The following PGM5 variants were observed in gnomAD, a reference collection of about 807,000 sequenced individuals.
PGM5 encodes phosphoglucomutase 5, also known as phosphoglucomutase-like protein 5.
PGM5 carries 23 observed loss-of-function variants against 59.2 expected under a neutral mutation model. That is an observed-to-expected ratio of 0.39 (90% CI 0.28 to 0.55). PGM5 has a LOEUF of 0.55. Among genes scored for constraint, PGM5 ranks in the 20% least tolerant of loss-of-function variants. PGM5 has a pLI of 0.66. For synonymous variants in PGM5, 214 were observed against 286.0 expected (o/e 0.75, Z 2.54); for missense variants, 574 against 748.3 (o/e 0.77, Z 2.72).
At chr9:68,395,099 G>A (rs1461435236) in intron 6 of PGM5, among the ~76,000 whole-genome samples, 1 of 152,044 alleles carries the variant, frequency 6.6e-6, no homozygotes, top group African/African-American at 2.4e-5. Flanking sequence ...TTTTCTTCTA[G>A]AGTCATTGCA....
At chr9:68,451,249 C>T (rs7019238) in intron 6 of PGM5, among the ~76,000 whole-genome samples, 23,316 of 152,188 alleles carry the variant, frequency 0.15, 2,974 homozygotes, top group African/African-American at 0.35. Flanking sequence ...AATGCCAACA[C>T]GATTAACTGC....
At chr9:68,414,220 G>A (rs1246453095) in intron 6 of PGM5, among the ~76,000 whole-genome samples, 1 of 152,136 alleles carries the variant, frequency 6.6e-6, no homozygotes, top group Admixed American at 6.5e-5. Flanking sequence ...TTCCCGTATA[G>A]CCCGCAGAAC....
At chr9:68,466,114 A>G (rs1554685779) in intron 7 of PGM5, 1 of 1,288,118 alleles carries the variant, frequency 7.8e-7, no homozygotes, top group Non-Finnish European at 1.0e-6. Flanking sequence ...GAGCTCTTAC[A>G]TTCATTTTTC....
chr9:68,411,384 AAT>A (rs1178152414), intron 6 of PGM5, among the ~76,000 whole-genome samples: 1 of 148,376 alleles, frequency 6.7e-6, no homozygotes. Flanking sequence ...AGTATATATA[AAT>A]ATATATATAC....
chr9:68,489,942 T>C (rs977087499), intron 9 of PGM5, among the ~76,000 whole-genome samples: 2 of 152,220 alleles, frequency 1.3e-5, no homozygotes, highest in Non-Finnish European at 2.9e-5. Context: ...TGTGGAAACA[T>C]TTTGATGTTG....
chr9:68,406,448 A>G (rs539386828), intron 6 of PGM5: 2 of 149,394 alleles, frequency 1.3e-5, no homozygotes, highest in Non-Finnish European at 3.0e-5. Flanking sequence ...CCTCTTATAA[A>G]GCCACCAGAC....
chr9:68,382,280 A>T (rs1285189614), intron 2 of PGM5, among the ~76,000 whole-genome samples: 1 of 151,710 alleles, frequency 6.6e-6, no homozygotes, highest in Non-Finnish European at 1.5e-5. Context: ...AAAGAAAAAA[A>T]CCTCTTCAAT....
At chr9:68,407,742 C>T in intron 6 of PGM5, among the ~76,000 whole-genome samples, 1 of 152,104 alleles carries the variant, frequency 6.6e-6, no homozygotes, top group Non-Finnish European at 1.5e-5. Flanking sequence ...GATTTGTGTG[C>T]ATATTGTGAG....
intron 3 of PGM5, among the ~76,000 whole-genome samples, chr9:68,386,955 TCACCAATTCTG>T (rs1234562074): frequency 6.6e-6 from 1 of 151,894 alleles, no homozygotes; most frequent in East Asian, 1.9e-4. Context: ...AATATATTCA[TCACCAATTCTG>T]CACTCGAATC....
chr9:68,485,445 G>T (rs1191047432), intron 9 of PGM5, among the ~76,000 whole-genome samples: 1 of 152,150 alleles, frequency 6.6e-6, no homozygotes, highest in Non-Finnish European at 1.5e-5. Flanking sequence ...GTGCAGTCTT[G>T]TGGTAGTGAA....
chr9:68,474,845 T>A (rs1324843436), intron 7 of PGM5, among the ~76,000 whole-genome samples: 2 of 150,166 alleles, frequency 1.3e-5, no homozygotes, highest in African/African-American at 4.9e-5. Flanking sequence ...AAAAAGACAC[T>A]CACTCTCAAG....
rs1468957499 is a variant in PGM5, at chr9:68,437,644, C to A, written c.1044-27449C>A. Among the ~76,000 whole-genome samples, 1 of 152,084 alleles carries A rather than the reference C, an allele frequency of 6.6e-6. No individual in the cohort carries two copies. Among genetic ancestry groups the A allele is most frequent in the African/African-American group, 2.4e-5 (1 of 41,402 alleles). ...CACATGCATATACTGTATATACACA[C>A]CCACAATACTTTGTAGAAATGCTGC... On this transcript the variant is annotated intron_variant, in intron 6 of 10. Transcript: ENST00000396396. This position sits in a 1 kb window ranked among gnomAD's most constrained non-coding sequence, Gnocchi z 4.1.
intron 10 of PGM5, among the ~76,000 whole-genome samples, chr9:68,517,747 A>T (rs1158204376): frequency 6.6e-6 from 1 of 152,244 alleles, no homozygotes; most frequent in Non-Finnish European, 1.5e-5. Flanking sequence ...CATATGAAGG[A>T]CTTCTAACTT....
chr9:68,506,990 A>G (rs1824668268), intron 10 of PGM5, among the ~76,000 whole-genome samples: 1 of 152,236 alleles, frequency 6.6e-6, no homozygotes, highest in Non-Finnish European at 1.5e-5. Flanking sequence ...GTAGTTAAAA[A>G]TGAAAACAAA....
At chr9:68,451,518 C>T (rs1281365367) in intron 6 of PGM5, among the ~76,000 whole-genome samples, 3 of 152,144 alleles carry the variant, frequency 2.0e-5, no homozygotes, top group Non-Finnish European at 4.4e-5. Context: ...GAGATGTGGA[C>T]ATATTTTAAT....
intron 7 of PGM5, among the ~76,000 whole-genome samples, chr9:68,468,138 G>C (rs1369916020): frequency 1.3e-5 from 2 of 151,706 alleles, no homozygotes; most frequent in African/African-American, 4.9e-5. Context: ...CAGGAATTAA[G>C]CCCAGTACCC....
At chr9:68,379,280 C>A (rs2482179) in intron 2 of PGM5, among the ~76,000 whole-genome samples, 1 of 152,178 alleles carries the variant, frequency 6.6e-6, no homozygotes, top group Non-Finnish European at 1.5e-5. Flanking sequence ...TAATCTAGAA[C>A]ACTGAGTTTG....
intron 6 of PGM5, among the ~76,000 whole-genome samples, chr9:68,407,377 C>A (rs1231818624): frequency 2.0e-5 from 3 of 152,210 alleles, no homozygotes; most frequent in African/African-American, 7.2e-5. Context: ...AAGCAATCCT[C>A]CTGCCTCGGC....
chr9:68,440,727 G>C (rs372057648), intron 6 of PGM5, among the ~76,000 whole-genome samples: 2 of 151,922 alleles, frequency 1.3e-5, no homozygotes, highest in African/African-American at 2.4e-5. Flanking sequence ...TAAGAGAAAG[G>C]TTTCACATCA....
Sources: gnomAD v4.1 joint callset for allele counts (sites outside exome capture counted in the v4.1 genomes callset) on GRCh38, gnomAD v4.1.1 for gene constraint, Gnocchi (gnomAD v3.1) non-coding constraint, MANE v1.5 for transcripts, NCBI Gene and HGNC (gene_info 2026-07-23, HGNC 2026-07-21) for gene names.